UBE3C: variants seen among roughly 807,000 people sequenced by gnomAD.
UBE3C encodes the protein ubiquitin-protein ligase E3C.
UBE3C carries 42 observed loss-of-function variants against 129.4 expected under a neutral mutation model. The observed-to-expected ratio is 0.32, with a 90% CI of 0.25 to 0.42. UBE3C has a LOEUF of 0.42. Ranked by LOEUF, UBE3C falls within the 10% of genes least tolerant of loss-of-function variation. The pLI, the probability that UBE3C is intolerant of heterozygous loss-of-function variation, is 1.00. For missense variants in UBE3C, 1,049 were observed against 1,319.1 expected (o/e 0.80, Z 3.17); for synonymous variants, 510 against 492.4 (o/e 1.04, Z -0.47).
chr7:157,199,659 C>T (rs1057229490), intron 10 of UBE3C, among the ~76,000 whole-genome samples: 14 of 151,740 alleles, frequency 9.2e-5, no homozygotes, highest in African/African-American at 3.1e-4. Context: ...TTAGTAGAGA[C>T]GGGGTTTCAC....
intron 13 of UBE3C, among the ~76,000 whole-genome samples, chr7:157,215,301 G>C (rs1795524835): frequency 6.6e-6 from 1 of 151,956 alleles, no homozygotes; most frequent in Non-Finnish European, 1.5e-5. Flanking sequence ...TGGGCACACA[G>C]AATTTCTGGT....
In UBE3C at chr7:157,169,563, T is replaced by C. The variant is rs377089575; in HGVS notation, c.195+441T>C. Among the ~76,000 whole-genome samples the C allele has an allele frequency of 3.0e-4, 46 of 151,922 alleles. 1 individual carries two copies. In the South Asian group the frequency reaches 9.6e-3, roughly 32 times the overall value. ...GCTGATTTTTGTATTGTTAGTAGAGTCGGTGTTTTGCCACGTTGACCAGGC... is the reference window on the plus strand; with the variant it reads ...GCTGATTTTTGTATTGTTAGTAGAGCCGGTGTTTTGCCACGTTGACCAGGC... On this transcript the variant is annotated intron_variant, in intron 3 of 22. Coordinates refer to ENST00000348165, the MANE Select transcript of UBE3C (RefSeq NM_014671.3).
chr7:157,165,267 C>G (rs926277134), intron 2 of UBE3C, among the ~76,000 whole-genome samples: 4 of 151,978 alleles, frequency 2.6e-5, no homozygotes, highest in African/African-American at 9.7e-5. Flanking sequence ...ATGTTTTTGA[C>G]CTTTGCGTCG....
intron 2 of UBE3C, among the ~76,000 whole-genome samples, chr7:157,168,548 A>T (rs1182151538): frequency 1.3e-5 from 2 of 152,238 alleles, no homozygotes; most frequent in Non-Finnish European, 2.9e-5. Flanking sequence ...CCAGATGTCC[A>T]TCAGTAGATG....
intron 10 of UBE3C, among the ~76,000 whole-genome samples, chr7:157,200,786 C>A (rs1258036814): frequency 1.3e-5 from 2 of 152,050 alleles, no homozygotes; most frequent in Non-Finnish European, 2.9e-5. Flanking sequence ...AGCCACCACA[C>A]CCAACTTTTC....
At chr7:157,178,135 C>A (rs116921642) in intron 5 of UBE3C, among the ~76,000 whole-genome samples, 1 of 152,054 alleles carries the variant, frequency 6.6e-6, no homozygotes, top group Non-Finnish European at 1.5e-5. Context: ...TTGATTGGTG[C>A]GGCCTGCCCG....
Position 157,268,057 on chromosome 7 carries a change from CA to C in UBE3C, c.*305del, listed in dbSNP as rs1472034065. 1 of 225,484 alleles carries C rather than the reference CA, an allele frequency of 4.4e-6. No homozygotes were observed. Among genetic ancestry groups the C allele is most frequent in the Non-Finnish European group, 8.6e-6 (1 of 116,726 alleles). 14.0% of individuals were successfully genotyped at this position (225,484 alleles called of 1,614,324 possible). A position where few individuals can be genotyped will look rare whatever the true frequency, so the allele number is the denominator to read the frequency against. On this transcript the variant is annotated 3_prime_UTR_variant, in exon 23 of 23. Coordinates refer to ENST00000348165, the MANE Select transcript of UBE3C (RefSeq NM_014671.3). ...CTAGTGGCATCTCAGTGAAATTAAC[CA>C]AAGATGAAGCTTTGGCTTTGCTGGT...
At position 157,170,347 on chromosome 7, in the gene UBE3C, C is replaced by T; in HGVS notation, c.239C>T (p.Ser80Leu). The T allele has an allele frequency of 6.4e-7, 1 of 1,560,968 alleles. No individual in the cohort carries two copies. The highest frequency in any genetic ancestry group is 1.4e-5 in the African/African-American group (1 of 71,954). The change falls in exon 4 of 23, where the codon TCA (serine) becomes TTA (leucine). Residue 80 changes from serine to leucine, a missense_variant. Ser to Leu is a moderately radical substitution (Grantham distance 145, BLOSUM62 -2). Around this residue, in one of 4 missense-constraint regions of UBE3C, gnomAD observed 489 missense variants for 513.8 expected, o/e 0.95. Coordinates refer to ENST00000348165, the MANE Select transcript of UBE3C (RefSeq NM_014671.3). ...RSAFDRCATL[S>L]QSGGAFPIAN... ...GCATTTGATCGCTGTGCTACCTTGTCACAGTCCGGGGGCGCTTTTCCCATT... is the reference window on the plus strand; with the variant it reads ...GCATTTGATCGCTGTGCTACCTTGTTACAGTCCGGGGGCGCTTTTCCCATT...
At position 157,161,900 on chromosome 7, in the gene UBE3C, C is replaced by T. The variant is rs942777098; in HGVS notation, c.67-1910C>T. On this transcript the variant is annotated intron_variant, in intron 1 of 22. Transcript: ENST00000348165. ...CAGCCTGGCCAATGTGGCGAAAACC[C>T]GTCTCTACTAAAAATACAAGTTAGC... Among the ~76,000 whole-genome samples, 4 of 151,896 alleles carry T rather than the reference C, an allele frequency of 2.6e-5. No homozygotes were observed. In the South Asian group the frequency reaches 6.2e-4, roughly 24 times the overall value.
intron 11 of UBE3C, among the ~76,000 whole-genome samples, chr7:157,203,654 AATTAT>A (rs1178113703): frequency 6.6e-6 from 1 of 152,188 alleles, no homozygotes; most frequent in Non-Finnish European, 1.5e-5. Flanking sequence ...GGATATTGTT[AATTAT>A]ATTAAATTAT....
intron 3 of UBE3C, 91 bp downstream of exon 3, chr7:157,169,213 A>G (rs1389021916): frequency 4.3e-5 from 39 of 910,504 alleles, no homozygotes; most frequent in African/African-American, 9.9e-5. Flanking sequence ...ATTGAAGTCA[A>G]TGCTGACAGT....
At chr7:157,256,743 A>G (rs943469103) in intron 21 of UBE3C, 171 bp from the exon 22 acceptor site, 21 of 708,512 alleles carry the variant, frequency 3.0e-5, no homozygotes, top group African/African-American at 9.0e-5. Flanking sequence ...TCTAGAGATC[A>G]TGGAAGTGCA....
At chr7:157,191,940 T>A (rs1313535604) in intron 10 of UBE3C, among the ~76,000 whole-genome samples, 1 of 152,200 alleles carries the variant, frequency 6.6e-6, no homozygotes, top group Non-Finnish European at 1.5e-5. Flanking sequence ...TTATAATCAA[T>A]AGAATTAATA....
At chr7:157,145,222 C>A (rs1025571689) in intron 1 of UBE3C, among the ~76,000 whole-genome samples, 1 of 151,820 alleles carries the variant, frequency 6.6e-6, no homozygotes, top group African/African-American at 2.4e-5. Context: ...GCCTGGGTGA[C>A]AGAGCATGAC....
chr7:157,201,847 C>G, intron 11 of UBE3C, 40 bp downstream of exon 11: 2 of 1,514,278 alleles, frequency 1.3e-6, no homozygotes, highest in South Asian at 2.3e-5. Flanking sequence ...CTCAAGGGCA[C>G]AGGAAGTGGC....
rs546717634 is a variant in UBE3C at position 157,141,961 on chromosome 7, G to A, written c.66+2623G>A. Among the ~76,000 whole-genome samples, 46 of 152,360 alleles carry A rather than the reference G, an allele frequency of 3.0e-4. No individual in the cohort carries two copies. The East Asian group carries it at 7.9e-3, about 26-fold the overall frequency. On this transcript the variant is annotated intron_variant, in intron 1 of 22. Transcript: ENST00000348165. ...GTGCTGGGTCCTAGATGATACGCAT[G>A]TTCAGCTGTTGTGCACACCGCTGCC...
intron 10 of UBE3C, among the ~76,000 whole-genome samples, chr7:157,191,764 C>G (rs1808974249): frequency 6.6e-6 from 1 of 152,066 alleles, no homozygotes. Context: ...CAGAAAAATA[C>G]AGATTTGTTT....
At chr7:157,172,904 A>G (rs1300291361) in intron 4 of UBE3C, among the ~76,000 whole-genome samples, 1 of 152,192 alleles carries the variant, frequency 6.6e-6, no homozygotes, top group South Asian at 2.1e-4. Flanking sequence ...CTTAGTCATC[A>G]GTCACGACAT....
chr7:157,217,028 C>A, intron 14 of UBE3C, 57 bp downstream of exon 14: 1 of 1,361,170 alleles, frequency 7.3e-7, no homozygotes, highest in Non-Finnish European at 1.0e-6. Flanking sequence ...CAGCTTGTGT[C>A]TTTCTGGAGA....
Sources: allele counts gnomAD v4.1 joint callset (sites outside exome capture counted in the v4.1 genomes callset), GRCh38; gene constraint gnomAD v4.1.1; regional missense constraint gnomAD v4.1.1; transcripts MANE v1.5; gene names NCBI Gene and HGNC (gene_info 2026-07-23, HGNC 2026-07-21).